GPR176: variants seen among roughly 807,000 people sequenced by gnomAD.
GPR176 encodes the protein G protein-coupled receptor 176, also known as G-protein coupled receptor 176.
GPR176 carries 26 observed loss-of-function variants against 35.4 expected under a neutral mutation model. That is an observed-to-expected ratio of 0.74 (90% CI 0.54 to 1.02). The LOEUF (loss-of-function observed/expected upper bound fraction) is 1.02. Among genes scored for constraint, GPR176 ranks in the 50% least tolerant of loss-of-function variants. The probability of loss-of-function intolerance (pLI) is 0.00; values close to 1 mark genes in which losing one functional copy is unlikely to be tolerated. For synonymous variants in GPR176, 278 were observed against 271.3 expected (o/e 1.02, Z -0.24); for missense variants, 597 against 665.3 (o/e 0.90, Z 1.13).
At chr15:39,890,369 TTG>T (rs1407645497) in intron 1 of GPR176, among the ~76,000 whole-genome samples, 2 of 152,198 alleles carry the variant, frequency 1.3e-5, no homozygotes, top group South Asian at 2.1e-4. Context: ...AGGGACTCCT[TTG>T]TGAGGACATT....
intron 1 of GPR176, among the ~76,000 whole-genome samples, chr15:39,815,830 A>C (rs1275568600): frequency 6.6e-6 from 1 of 151,554 alleles, no homozygotes; most frequent in Non-Finnish European, 1.5e-5. Flanking sequence ...TCAGTATCTA[A>C]AAGAGATATC....
At chr15:39,823,230 A>T (rs1900394232) in intron 1 of GPR176, among the ~76,000 whole-genome samples, 1 of 152,188 alleles carries the variant, frequency 6.6e-6, no homozygotes, top group African/African-American at 2.4e-5. Context: ...CTATAGACCC[A>T]AATATCCATA....
At chr15:39,906,273 C>T (rs2033420500) in intron 1 of GPR176, among the ~76,000 whole-genome samples, 2 of 152,292 alleles carry the variant, frequency 1.3e-5, no homozygotes, top group South Asian at 4.1e-4. Context: ...GTTTTCAGCC[C>T]TTTTTCCACA....
intron 1 of GPR176, among the ~76,000 whole-genome samples, chr15:39,843,354 G>GA (rs937492491): frequency 1.9e-4 from 29 of 152,104 alleles, no homozygotes; most frequent in Admixed American, 1.4e-3. Flanking sequence ...TTATAATCAA[G>GA]AAAAAATCAT....
rs371228034 is a variant in GPR176, at chr15:39,896,280, C to G, written c.172+23575G>C. The stretch of plus-strand genomic sequence containing the variant: ...CACAAAGTTTCCTAGACAGGTCTCA[C>G]AAAGTTTCCTAGACTAGTCTCAAAT... On this transcript the variant is annotated intron_variant, in intron 1 of 2. Coordinates refer to ENST00000561100, the MANE Select transcript of GPR176 (RefSeq NM_007223.3). Among the ~76,000 whole-genome samples the G allele has an allele frequency of 4.6e-5, 7 of 151,204 alleles. No homozygotes were observed. The East Asian group carries it at 9.6e-4, about 21-fold the overall frequency.
At chr15:39,914,048 AAAAC>A (rs551552592) in intron 1 of GPR176, among the ~76,000 whole-genome samples, 12 of 152,246 alleles carry the variant, frequency 7.9e-5, no homozygotes, top group East Asian at 3.9e-4. Flanking sequence ...TCAGTCTCAA[AAAAC>A]AAACAAACAA....
At chr15:39,834,882 TC>T (rs1375326567) in intron 1 of GPR176, among the ~76,000 whole-genome samples, 1 of 152,168 alleles carries the variant, frequency 6.6e-6, no homozygotes, top group Non-Finnish European at 1.5e-5. Context: ...GTGATTATAG[TC>T]AATAATTTAT....
intron 1 of GPR176, among the ~76,000 whole-genome samples, chr15:39,835,393 AAAAC>A (rs1901336017): frequency 6.6e-6 from 1 of 152,178 alleles, no homozygotes; most frequent in South Asian, 2.1e-4. Flanking sequence ...ATTTTATTAA[AAAAC>A]AAAAAGCAAA....
At chr15:39,905,995 A>G (rs2033411495) in intron 1 of GPR176, among the ~76,000 whole-genome samples, 1 of 152,306 alleles carries the variant, frequency 6.6e-6, no homozygotes, top group African/African-American at 2.4e-5. Flanking sequence ...GGATACAGGC[A>G]TCTCTCTGTA....
intron 1 of GPR176, among the ~76,000 whole-genome samples, chr15:39,879,324 C>T (rs997736544): frequency 7.2e-5 from 11 of 152,298 alleles, no homozygotes; most frequent in Middle Eastern, 3.4e-3. Flanking sequence ...TAACCTCCTT[C>T]AGTAATGTTG....
intron 1 of GPR176, among the ~76,000 whole-genome samples, chr15:39,903,128 T>C (rs1320976336): frequency 6.6e-6 from 1 of 152,238 alleles, no homozygotes; most frequent in Admixed American, 6.5e-5. Flanking sequence ...TCATTTAAAG[T>C]AGTCTAGGCT....
In GPR176 at chr15:39,920,116, C is replaced by T; in HGVS notation, c.-90G>A. The T allele has an allele frequency of 1.1e-6, 1 of 931,272 alleles. No homozygotes were observed. Among genetic ancestry groups the T allele is most frequent in the Non-Finnish European group, 1.4e-6 (1 of 702,534 alleles). 57.7% of individuals were successfully genotyped at this position (931,272 alleles called of 1,614,324 possible). A position where few individuals can be genotyped will look rare whatever the true frequency, so the allele number is the denominator to read the frequency against. On this transcript the variant is annotated 5_prime_UTR_variant, in exon 1 of 3. Coordinates refer to ENST00000561100, the MANE Select transcript of GPR176 (RefSeq NM_007223.3). ...CTCCGGGTGAGGAGGGACGCGCGGG[C>T]GCCTGGCGGAGTCCTGGAGAAGCCG...
intron 1 of GPR176, among the ~76,000 whole-genome samples, chr15:39,875,690 C>T (rs930522729): frequency 3.9e-5 from 6 of 152,042 alleles, no homozygotes; most frequent in African/African-American, 1.2e-4. Flanking sequence ...GTTTTAGTGC[C>T]GAGCCTCCTT....
intron 1 of GPR176, among the ~76,000 whole-genome samples, chr15:39,852,745 T>A (rs2030956734): frequency 6.6e-6 from 1 of 152,160 alleles, no homozygotes; most frequent in Non-Finnish European, 1.5e-5. Flanking sequence ...GAAAAGCAAC[T>A]TAGGGCACAT....
chr15:39,886,251 AAG>A (rs960448115), intron 1 of GPR176, among the ~76,000 whole-genome samples: 13 of 152,040 alleles, frequency 8.6e-5, no homozygotes, highest in African/African-American at 2.9e-4. Context: ...AAAAGAAAGA[AAG>A]AAATGGGAAT....
intron 1 of GPR176, among the ~76,000 whole-genome samples, chr15:39,890,908 T>C (rs1217403230): frequency 2.6e-5 from 4 of 152,224 alleles, no homozygotes; most frequent in African/African-American, 9.6e-5. Flanking sequence ...CCCTGGTATA[T>C]ATCCCTTCAA....
At chr15:39,845,152 G>A (rs2030329655) in intron 1 of GPR176, among the ~76,000 whole-genome samples, 1 of 152,026 alleles carries the variant, frequency 6.6e-6, no homozygotes, top group Admixed American at 6.6e-5. Context: ...CCTAGGCCAG[G>A]CCCAGGTTCA....
chr15:39,863,590 G>A (rs1159024166), intron 1 of GPR176, among the ~76,000 whole-genome samples: 1 of 152,116 alleles, frequency 6.6e-6, no homozygotes, highest in African/African-American at 2.4e-5. Context: ...TAGCCTAAGT[G>A]TACAGTCTTT....
intron 1 of GPR176, among the ~76,000 whole-genome samples, chr15:39,907,270 C>T (rs1232732146): frequency 2.0e-5 from 3 of 152,234 alleles, no homozygotes; most frequent in South Asian, 2.1e-4. Context: ...ACCTCTTGCT[C>T]GGTGCCTTCT....
Sources: allele counts gnomAD v4.1 joint callset (sites outside exome capture counted in the v4.1 genomes callset), GRCh38; gene constraint gnomAD v4.1.1; transcripts MANE v1.5; gene names NCBI Gene and HGNC (gene_info 2026-07-23, HGNC 2026-07-21).